C11orf65: variants seen among roughly 807,000 people sequenced by gnomAD.
C11orf65 encodes the protein chromosome 11 open reading frame 65.
In C11orf65, 38 loss-of-function variants were observed where a neutral mutation model predicts 35.3. The ratio of observed to expected loss-of-function variants is 1.08; its 90% confidence interval spans 0.83 to 1.41. The LOEUF is 1.41. C11orf65 is among the 40% of genes most tolerant of loss of function. The probability of loss-of-function intolerance (pLI) is 0.00; values close to 1 mark genes in which losing one functional copy is unlikely to be tolerated. For synonymous variants in C11orf65, 105 were observed against 114.4 expected (o/e 0.92, Z 0.53); for missense variants, 370 against 367.1 (o/e 1.01, Z -0.06).
chr11:108,366,364 T>G (rs1195287244), intron 2 of C11orf65: 1 of 215,310 alleles, frequency 4.6e-6, no homozygotes, highest in Non-Finnish European at 9.4e-6. Context: ...GCATCATTTT[T>G]CAGATCTCTG....
At chr11:108,446,834 T>A (rs2093269496) in intron 2 of C11orf65, among the ~76,000 whole-genome samples, 1 of 152,144 alleles carries the variant, frequency 6.6e-6, no homozygotes, top group Admixed American at 6.5e-5. Context: ...AGACACAGAC[T>A]GGCAAATTGG....
chr11:108,365,562 C>T, intron 2 of C11orf65: 1 of 1,571,878 alleles, frequency 6.4e-7, no homozygotes, highest in Non-Finnish European at 8.7e-7. Flanking sequence ...ATATTTTAGC[C>T]TTTATTTTTA....
downstream of C11orf65, chr11:108,327,574 C>T (rs3092830): frequency 2.4e-3 from 3,109 of 1,284,132 alleles, 42 homozygotes; most frequent in African/African-American, 0.032. Flanking sequence ...CTTTTTTCCC[C>T]GTACATGAAG....
At chr11:108,328,065 T>C (rs2085860664), downstream of C11orf65, among the ~76,000 whole-genome samples, 1 of 152,172 alleles carries the variant, frequency 6.6e-6, no homozygotes, top group African/African-American at 2.4e-5. Flanking sequence ...AAATAACTGA[T>C]TAAGAATAGG....
chr11:108,392,405 C>T lies in C11orf65; in HGVS notation c.731+803G>A, dbSNP rs148854663. On this transcript the variant is annotated intron_variant, in intron 7 of 8. Coordinates refer to ENST00000393084, the MANE Select transcript of C11orf65 (RefSeq NM_152587.5). ...ATCTATCATATTTCATTTAGCCATT[C>T]GTCAGCTCATGGACATTTGGGGTGT... is the stretch of plus-strand genomic sequence containing the variant. Among the ~76,000 whole-genome samples the T allele has an allele frequency of 1.2e-3, 146 of 119,068 alleles. 4 individuals are homozygous for T. The East Asian group carries it at 0.026, about 21-fold the overall frequency. The allele number at this position is 119,068 out of a possible 152,430, so 78.1% of individuals were successfully genotyped here.
downstream of C11orf65, chr11:108,331,170 AT>A (rs546074724): frequency 8.9e-7 from 1 of 1,128,522 alleles, no homozygotes. Context: ...TCTTCCTTAG[AT>A]TTTTTGGAAT....
At chr11:108,441,777 TAACA>T (rs977862282) in intron 2 of C11orf65, among the ~76,000 whole-genome samples, 1 of 152,122 alleles carries the variant, frequency 6.6e-6, no homozygotes, top group Non-Finnish European at 1.5e-5. Context: ...GAAGGAAAAC[TAACA>T]AACAGAAAGG....
intron 2 of C11orf65, among the ~76,000 whole-genome samples, chr11:108,456,782 G>GAA (rs992071306): frequency 3.7e-4 from 47 of 127,842 alleles, no homozygotes; most frequent in African/African-American, 1.2e-3. Flanking sequence ...ATCAAAGAAA[G>GAA]AAAAAAAAAA....
At chr11:108,454,437 T>C (rs1321829244) in intron 2 of C11orf65, among the ~76,000 whole-genome samples, 1 of 151,994 alleles carries the variant, frequency 6.6e-6, no homozygotes, top group African/African-American at 2.4e-5. Context: ...TAGTTGGGAT[T>C]ACAGGCATGT....
At chr11:108,466,752 T>C (rs186011386) in intron 1 of C11orf65, among the ~76,000 whole-genome samples, 25 of 152,362 alleles carry the variant, frequency 1.6e-4, no homozygotes, top group African/African-American at 4.6e-4. Flanking sequence ...TTTTCACTTA[T>C]TTATTTTTAC....
rs1060501602 is a variant in C11orf65 at position 108,325,496 on chromosome 11, A to C, written c.641-16425T>G. On this transcript the variant is annotated intron_variant, in intron 6 of 6. Transcript: ENST00000525729. ...AATGTATTAAGGACATTCTCACCAA[A>C]CACCTTGTAGAACTCTCTATACTGG... 4 of 1,613,302 alleles carry C rather than the reference A, an allele frequency of 2.5e-6. No homozygotes were observed. Among genetic ancestry groups the C allele is most frequent in the Non-Finnish European group, 2.5e-6 (3 of 1,179,850 alleles).
intron 2 of C11orf65, among the ~76,000 whole-genome samples, chr11:108,451,651 A>G (rs1326226238): frequency 1.3e-5 from 2 of 152,162 alleles, no homozygotes; most frequent in African/African-American, 4.8e-5. Context: ...ATTGGAAAAG[A>G]CTACTTTAAA....
intron 3 of C11orf65, among the ~76,000 whole-genome samples, chr11:108,415,298 A>G (rs1446424879): frequency 6.6e-6 from 1 of 152,198 alleles, no homozygotes; most frequent in Non-Finnish European, 1.5e-5. Flanking sequence ...CAACTGCTTT[A>G]TTATATACCA....
chr11:108,367,879 G>A (rs1320858099), intron 2 of C11orf65: 2 of 205,014 alleles, frequency 9.8e-6, no homozygotes, highest in African/African-American at 4.6e-5. Context: ...GTATATATTG[G>A]TAGTTTTATT....
At chr11:108,362,722 TCTCA>T (rs1179099806) in intron 2 of C11orf65, among the ~76,000 whole-genome samples, 1 of 144,690 alleles carries the variant, frequency 6.9e-6, no homozygotes, top group Non-Finnish European at 1.5e-5. Flanking sequence ...CACCGCATAT[TCTCA>T]CTCATAGGTG....
Position 108,441,500 on chromosome 11 carries a change from T to C in C11orf65, c.82-9662A>G, listed in dbSNP as rs79082815. Reference sequence around the variant, plus strand: ...TGTTATCCCAGCATGGAGTTTGAGATGAGAGAATGGGCAGACTGCCTCCTC... The same window carrying C: ...TGTTATCCCAGCATGGAGTTTGAGACGAGAGAATGGGCAGACTGCCTCCTC... On this transcript the variant is annotated intron_variant, in intron 2 of 8. Transcript: ENST00000393084. Among the ~76,000 whole-genome samples the C allele has an allele frequency of 5.8e-3, 889 of 152,296 alleles. 8 individuals are homozygous for C. The highest frequency in any genetic ancestry group is 0.017 in the African/African-American group (722 of 41,578).
In C11orf65 at chr11:108,406,899, G is replaced by T. The variant is rs1362898453; in HGVS notation, c.293C>A (p.Ala98Asp). Residue 98 changes from alanine to aspartate, a missense_variant, in exon 5 of 9, where the codon GCT becomes GAT. Physicochemically the swap from Ala to Asp is moderately radical, Grantham distance 126. Coordinates refer to ENST00000393084, the MANE Select transcript of C11orf65 (RefSeq NM_152587.5). ...FTHRPIEDLC[A>D]NSPRNYAKLP... The stretch of plus-strand genomic sequence containing the variant: ...TTTTGCATAATTTCTAGGGCTGTTA[G>T]CACAGAGATCTTCAATAGGTCTGTG... 6.2e-7 allele frequency: 1 copy of T among 1,612,512 alleles called. No individual in the cohort carries two copies. Among genetic ancestry groups the T allele is most frequent in the Middle Eastern group, 1.7e-4 (1 of 6,034 alleles).
chr11:108,372,078 C>T (rs529826051), intron 2 of C11orf65, among the ~76,000 whole-genome samples: 6 of 152,228 alleles, frequency 3.9e-5, no homozygotes, highest in African/African-American at 9.6e-5. Flanking sequence ...GTTAGGAGAT[C>T]GTAACGTTAG....
Position 108,382,859 on chromosome 11 carries a change from G to A in C11orf65, c.*162C>T. On this transcript the variant is annotated 3_prime_UTR_variant, in exon 9 of 9. Coordinates refer to ENST00000393084, the MANE Select transcript of C11orf65 (RefSeq NM_152587.5). ...ATATTTGCCATGATCATTGTATTCA[G>A]TCCAGTGTTCTATTTCTGCTCAATC... is the stretch of plus-strand genomic sequence containing the variant. 6.8e-7 allele frequency: 1 copy of A among 1,465,742 alleles called. No individual in the cohort carries two copies. The highest frequency in any genetic ancestry group is 1.4e-5 in the South Asian group (1 of 73,202). 90.8% of individuals were successfully genotyped at this position (1,465,742 alleles called of 1,614,324 possible). A position where few individuals can be genotyped will look rare whatever the true frequency, so the allele number is the denominator to read the frequency against.
Sources: gnomAD v4.1 joint callset for allele counts (sites outside exome capture counted in the v4.1 genomes callset) on GRCh38, gnomAD v4.1.1 for gene constraint, MANE v1.5 for transcripts, NCBI Gene and HGNC (gene_info 2026-07-23, HGNC 2026-07-21) for gene names.